The following MIR2052HG variants were observed in gnomAD, a reference collection of about 807,000 sequenced individuals.
MIR2052HG encodes MIR2052 host gene.
At chr8:74,616,446 T>C (rs1808283448) in intron 2 of MIR2052HG, among the ~76,000 whole-genome samples, 2 of 150,286 alleles carry the variant, frequency 1.3e-5, no homozygotes, top group African/African-American at 4.9e-5. Context: ...TTCTATATTT[T>C]ATATATATAA....
intron 4 of MIR2052HG, among the ~76,000 whole-genome samples, chr8:74,724,371 G>C (rs1441148098): frequency 6.6e-6 from 1 of 152,150 alleles, no homozygotes; most frequent in African/African-American, 2.4e-5. Flanking sequence ...AGTGATACCT[G>C]TGACCCTCTA....
rs1227231200 is a variant in MIR2052HG, at chr8:74,681,800, A to G, written n.217-20579A>G. 2.6e-5 allele frequency among the ~76,000 whole-genome samples: 4 copies of G among 152,192 alleles called. No individual in the cohort carries two copies. In the East Asian group the frequency reaches 7.7e-4, roughly 29 times the overall value. ...AGTCAAATAAACTTCTGTTCTATTT[A>G]TAAGTTACTTAGCTTGTGGTATTCT... On this transcript the variant is annotated intron_variant and non_coding_transcript_variant, in intron 2 of 6. Transcript: ENST00000523442.
chr8:74,618,380 G>C (rs746981994), intron 2 of MIR2052HG, among the ~76,000 whole-genome samples: 1 of 152,166 alleles, frequency 6.6e-6, no homozygotes, highest in Non-Finnish European at 1.5e-5. Flanking sequence ...TTTGTTCACT[G>C]TTCTATTCCA....
chr8:74,658,301 G>A (rs1186769770), intron 2 of MIR2052HG, among the ~76,000 whole-genome samples: 1 of 151,556 alleles, frequency 6.6e-6, no homozygotes, highest in Non-Finnish European at 1.5e-5. Flanking sequence ...TATGTTTATT[G>A]TCTGTCTTTC....
intron 2 of MIR2052HG, among the ~76,000 whole-genome samples, chr8:74,673,885 T>TA (rs1586910127): frequency 1.5e-5 from 1 of 65,886 alleles, no homozygotes; most frequent in Admixed American, 1.4e-4. Flanking sequence ...CAGTATTTTT[T>TA]TGTATATATA....
At chr8:74,662,747 C>T (rs1004420179) in intron 2 of MIR2052HG, among the ~76,000 whole-genome samples, 5 of 151,708 alleles carry the variant, frequency 3.3e-5, no homozygotes, top group Admixed American at 6.6e-5. Flanking sequence ...CTTATTATAG[C>T]GGTTTTCTTT....
chr8:74,613,509 G>C (rs534320315), intron 2 of MIR2052HG, among the ~76,000 whole-genome samples: 1 of 152,202 alleles, frequency 6.6e-6, no homozygotes, highest in Non-Finnish European at 1.5e-5. Context: ...ACCCGAGACA[G>C]AGTCTCGCTG....
At chr8:74,732,226 T>G (rs183233452) in intron 4 of MIR2052HG, among the ~76,000 whole-genome samples, 117 of 152,296 alleles carry the variant, frequency 7.7e-4, no homozygotes, top group Middle Eastern at 3.4e-3. Context: ...TAGTATTATG[T>G]ATTATAAGTA....
At chr8:74,606,429 G>C (rs1808113113) in intron 1 of MIR2052HG, among the ~76,000 whole-genome samples, 3 of 152,090 alleles carry the variant, frequency 2.0e-5, no homozygotes, top group African/African-American at 7.2e-5. Flanking sequence ...ACAAGGTTGG[G>C]CATTACATTA....
chr8:74,679,753 G>T (rs1461615064), intron 2 of MIR2052HG, among the ~76,000 whole-genome samples: 3 of 151,822 alleles, frequency 2.0e-5, no homozygotes, highest in African/African-American at 7.3e-5. Context: ...TGTTCGCCAG[G>T]CTGGTTTTGA....
chr8:74,728,038 A>C (rs182947573), intron 4 of MIR2052HG, among the ~76,000 whole-genome samples: 66 of 152,366 alleles, frequency 4.3e-4, no homozygotes, highest in African/African-American at 1.6e-3. Context: ...TTACAGTACT[A>C]GGCAAGAGCA....
intron 2 of MIR2052HG, among the ~76,000 whole-genome samples, chr8:74,675,681 A>G (rs1809043666): frequency 6.6e-6 from 1 of 152,022 alleles, no homozygotes; most frequent in Non-Finnish European, 1.5e-5. Context: ...CAGTTAAGGT[A>G]TCTGAATAAA....
At chr8:74,635,779 C>T (rs765295471) in intron 2 of MIR2052HG, among the ~76,000 whole-genome samples, 61 of 152,108 alleles carry the variant, frequency 4.0e-4, no homozygotes, top group Non-Finnish European at 7.5e-4. Context: ...GGATTAACTT[C>T]CCCAGGGAAA....
intron 2 of MIR2052HG, among the ~76,000 whole-genome samples, chr8:74,668,267 G>A (rs1403123077): frequency 6.6e-6 from 1 of 151,202 alleles, no homozygotes. Flanking sequence ...GCCTACTTTT[G>A]ATATTTTAAT....
intron 4 of MIR2052HG, among the ~76,000 whole-genome samples, chr8:74,724,397 G>A (rs1348366441): frequency 2.6e-5 from 4 of 152,054 alleles, no homozygotes; most frequent in Non-Finnish European, 5.9e-5. Context: ...CTCCTGCTAT[G>A]GTATTTCTGC....
chr8:74,713,717 T>C (rs989760032), intron 4 of MIR2052HG, among the ~76,000 whole-genome samples: 11 of 152,172 alleles, frequency 7.2e-5, no homozygotes, highest in Non-Finnish European at 1.5e-4. Context: ...TTTTTTTGGT[T>C]TACTTTGCAT....
At chr8:74,605,357 C>T (rs1393411095) in intron 1 of MIR2052HG, among the ~76,000 whole-genome samples, 1 of 152,208 alleles carries the variant, frequency 6.6e-6, no homozygotes, top group Non-Finnish European at 1.5e-5. Flanking sequence ...TTAACATTCA[C>T]TGCTCACTGA....
chr8:74,684,719 A>G (rs550748470), intron 2 of MIR2052HG, among the ~76,000 whole-genome samples: 1 of 152,174 alleles, frequency 6.6e-6, no homozygotes, highest in Non-Finnish European at 1.5e-5. Context: ...GTTAAGAACC[A>G]TCACTAAGGT....
intron 4 of MIR2052HG, among the ~76,000 whole-genome samples, chr8:74,713,648 T>TA (rs1484546666): frequency 2.0e-5 from 3 of 152,092 alleles, no homozygotes; most frequent in African/African-American, 4.8e-5. Context: ...ATATATGATT[T>TA]AAAAAAATGG....
Sources: allele counts gnomAD v4.1 joint callset (sites outside exome capture counted in the v4.1 genomes callset), GRCh38; gene constraint gnomAD v4.1.1; transcripts MANE v1.5; gene names NCBI Gene and HGNC (gene_info 2026-07-23, HGNC 2026-07-21).